Variants in GLYR1 observed in about 807,000 individuals in gnomAD.
GLYR1 encodes the protein cytokine-like nuclear factor N-PAC.
Under a neutral mutation model 72.7 loss-of-function variants are expected in GLYR1, and 21 were observed. The ratio of observed to expected loss-of-function variants is 0.29; its 90% CI spans 0.20 to 0.42. GLYR1 has a LOEUF of 0.42. GLYR1 is among the 10% of genes least tolerant of loss of function. The pLI, the probability that GLYR1 is intolerant of heterozygous loss-of-function variation, is 1.00. For synonymous variants in GLYR1, 392 were observed against 270.2 expected, an observed-to-expected ratio of 1.45 and a Z score of -4.42; for missense variants, 594 against 712.1, an observed-to-expected ratio of 0.83 and a Z score of 1.89.
Position 4,811,313 on chromosome 16 carries a change from T to C in GLYR1, c.1463-19A>G. The C allele has an allele frequency of 1.2e-6, 2 of 1,612,906 alleles. No individual in the cohort carries two copies. The highest frequency in any genetic ancestry group is 1.7e-6 in the Non-Finnish European group (2 of 1,179,692). On this transcript the variant is annotated intron_variant, in intron 14 of 15. Coordinates refer to ENST00000321919, the MANE Select transcript of GLYR1 (RefSeq NM_032569.4). Reference sequence around the variant, plus strand: ...AGGATATCTGAGGAGAAAAAGCCAGTATCAGACAAAAGCCAAGGACCTGAA... The same window carrying C: ...AGGATATCTGAGGAGAAAAAGCCAGCATCAGACAAAAGCCAAGGACCTGAA...
chr16:4,844,524 A>T (rs748948469), intron 3 of GLYR1, among the ~76,000 whole-genome samples: 19 of 152,268 alleles, frequency 1.2e-4, no homozygotes, highest in Admixed American at 2.6e-4. Context: ...ATAATCCAGC[A>T]CTTTGGGAGG....
chr16:4,813,581 G>C (rs1009016879), intron 12 of GLYR1, among the ~76,000 whole-genome samples, 156 bp downstream of exon 12: 1 of 152,252 alleles, frequency 6.6e-6, no homozygotes, highest in African/African-American at 2.4e-5. Flanking sequence ...CGGTTTGAAG[G>C]TGGAGCACGG....
intron 15 of GLYR1, 69 bp from the exon 16 acceptor site, chr16:4,805,379 G>C (rs979304510): frequency 2.0e-5 from 27 of 1,349,638 alleles, no homozygotes; most frequent in Middle Eastern, 1.8e-4. Flanking sequence ...CTGATTCCTG[G>C]AGGCAGTGGT....
intron 3 of GLYR1, among the ~76,000 whole-genome samples, chr16:4,834,181 T>C (rs551718640): frequency 4.7e-4 from 72 of 152,134 alleles, no homozygotes; most frequent in Non-Finnish European, 8.2e-4. Flanking sequence ...GGCCTGCAGA[T>C]GTCAGGCAGC....
In GLYR1 at chr16:4,844,247, A is replaced by G. The variant is rs531722110; in HGVS notation, c.155+827T>C. Among the ~76,000 whole-genome samples, 12 of 152,342 alleles carry G rather than the reference A, an allele frequency of 7.9e-5. No homozygotes were observed. The South Asian group carries it at 2.5e-3, about 32-fold the overall frequency. On this transcript the variant is annotated intron_variant, in intron 3 of 15. Transcript: ENST00000321919. ...TCTTCACGTTCTTCCCGTCACTGTAACATGTTATATGGTCAGAGTCTCAGA... is the reference window on the plus strand; with the variant it reads ...TCTTCACGTTCTTCCCGTCACTGTAGCATGTTATATGGTCAGAGTCTCAGA...
chr16:4,842,441 C>T (rs2085633836), intron 3 of GLYR1, among the ~76,000 whole-genome samples: 1 of 151,828 alleles, frequency 6.6e-6, no homozygotes, highest in African/African-American at 2.4e-5. Flanking sequence ...TTTTGACCTC[C>T]TGGGCTCAAG....
intron 12 of GLYR1, 41 bp from the exon 13 acceptor site, chr16:4,812,289 C>G (rs1324725765): frequency 6.3e-7 from 1 of 1,589,798 alleles, no homozygotes; most frequent in African/African-American, 1.3e-5. Context: ...CTCCCCTCTC[C>G]CAGCGCTCTC....
intron 12 of GLYR1, among the ~76,000 whole-genome samples, chr16:4,813,164 C>T (rs531608066): frequency 3.9e-5 from 6 of 151,984 alleles, no homozygotes; most frequent in Admixed American, 2.0e-4. Context: ...GGGGTTTCAC[C>T]GTGTTAGCCA....
intron 1 of GLYR1, 28 bp from the exon 2 acceptor site, chr16:4,846,238 TG>T (rs1187487209): frequency 1.2e-6 from 2 of 1,613,518 alleles, no homozygotes; most frequent in East Asian, 4.5e-5. Context: ...AGTCAACACT[TG>T]CCCTGCAAAA....
chr16:4,832,984 T>C (rs943532114), intron 3 of GLYR1, 72 bp from the exon 4 acceptor site: 1 of 1,396,282 alleles, frequency 7.2e-7, no homozygotes, highest in Non-Finnish European at 9.6e-7. Context: ...AACCTCACTA[T>C]GGCACGGTGT....
At chr16:4,838,763 A>AT (rs763966779) in intron 3 of GLYR1, among the ~76,000 whole-genome samples, 7 of 151,644 alleles carry the variant, frequency 4.6e-5, no homozygotes, top group Non-Finnish European at 1.0e-4. Flanking sequence ...ATTTTTTTGT[A>AT]TTTTTAGGAG....
chr16:4,817,382 G>C (rs1413514961), intron 10 of GLYR1, among the ~76,000 whole-genome samples: 1 of 152,112 alleles, frequency 6.6e-6, no homozygotes, highest in Non-Finnish European at 1.5e-5. Flanking sequence ...GCCTCCCAAA[G>C]TGCTGGGATT....
intron 5 of GLYR1, among the ~76,000 whole-genome samples, chr16:4,827,631 T>C (rs1294811681): frequency 6.6e-6 from 1 of 151,716 alleles, no homozygotes; most frequent in East Asian, 1.9e-4. Context: ...CCAGGCACGG[T>C]GGCTCACGCC....
In GLYR1 at chr16:4,832,067, C is replaced by A; in HGVS notation, c.449G>T (p.Gly150Val). 6.2e-7 allele frequency: 1 copy of A among 1,614,172 alleles called. No homozygotes were observed. Among genetic ancestry groups the A allele is most frequent in the Non-Finnish European group, 8.5e-7 (1 of 1,180,038 alleles). ...GGATTTGGAGCCTCTCTCTGAAGAG[C>A]CTGAAGACACCCTCTTCTTTCCTTC... ...MGEGKKRVSS[G>V]SSERGSKSPL... The change falls in exon 5 of 16, where the codon GGC becomes GTC. Residue 150 changes from glycine (G) to valine (V), a missense_variant. By Grantham distance (109) the Gly-to-Val change is moderately radical (BLOSUM62 -3). Coordinates refer to ENST00000321919, the MANE Select transcript of GLYR1 (RefSeq NM_032569.4).
chr16:4,844,421 C>G (rs1339447840), intron 3 of GLYR1, among the ~76,000 whole-genome samples: 1 of 152,172 alleles, frequency 6.6e-6, no homozygotes, highest in Admixed American at 6.5e-5. Flanking sequence ...CTGTATACCC[C>G]AAGCATGAAC....
chr16:4,842,271 AAC>A (rs1491046365), intron 3 of GLYR1, among the ~76,000 whole-genome samples: 1 of 151,918 alleles, frequency 6.6e-6, no homozygotes, highest in Non-Finnish European at 1.5e-5. Context: ...AACAAAAAAA[AAC>A]AAACAGAAAA....
chr16:4,805,636 T>C (rs1726431103), intron 15 of GLYR1, among the ~76,000 whole-genome samples: 1 of 151,742 alleles, frequency 6.6e-6, no homozygotes, highest in Non-Finnish European at 1.5e-5. Flanking sequence ...AAGTCAGGAG[T>C]TCGAGACCAG....
intron 12 of GLYR1, among the ~76,000 whole-genome samples, chr16:4,813,362 C>T (rs1292345498): frequency 6.6e-6 from 1 of 152,208 alleles, no homozygotes; most frequent in East Asian, 1.9e-4. Context: ...CCCCTCAGAA[C>T]ATATGTGGGT....
In GLYR1 at chr16:4,818,925, T is replaced by C. The variant is rs568711415; in HGVS notation, c.807-1228A>G. On this transcript the variant is annotated intron_variant, in intron 9 of 15. Transcript: ENST00000321919. ...CCAATCCTTGTGACAGAAGCACTCA[T>C]TGGCCAGTCTCCTCCACACACATTC... Among the ~76,000 whole-genome samples, 14 of 152,240 alleles carry C rather than the reference T, an allele frequency of 9.2e-5. No individual in the cohort carries two copies. In the East Asian group the frequency reaches 1.2e-3, roughly 13 times the overall value.
Sources: gnomAD v4.1 joint callset for allele counts (sites outside exome capture counted in the v4.1 genomes callset) on GRCh38, gnomAD v4.1.1 for gene constraint, MANE v1.5 for transcripts, NCBI Gene and HGNC (gene_info 2026-07-23, HGNC 2026-07-21) for gene names.